GLIS3: variants seen among roughly 807,000 people sequenced by gnomAD.
The protein encoded by GLIS3 is GLIS family zinc finger 3, also known as zinc finger protein GLIS3.
GLIS3 carries 53 observed loss-of-function variants against 78.6 expected under a neutral mutation model. The ratio of observed to expected loss-of-function variants is 0.67; its 90% CI spans 0.54 to 0.85. GLIS3 has a LOEUF of 0.85. Among genes scored for constraint, GLIS3 ranks in the 40% least tolerant of loss-of-function variants. The pLI is 0.00. For missense variants in GLIS3, 1,703 were observed against 1,231.1 expected, an observed-to-expected ratio of 1.38 and a Z score of -5.74; for synonymous variants, 684 against 509.9, an observed-to-expected ratio of 1.34 and a Z score of -4.60.
At chr9:4,407,428 G>A in the GLIS3 span, among the ~76,000 whole-genome samples, 26 of 152,308 alleles carry the variant, frequency 1.7e-4, 1 homozygote, top group East Asian at 1.5e-3. Flanking sequence ...GGTGGATCAC[G>A]AGGTCAGGAG....
At chr9:3,982,905 T>C (rs1252735018) in intron 4 of GLIS3, among the ~76,000 whole-genome samples, 1 of 152,162 alleles carries the variant, frequency 6.6e-6, no homozygotes, top group Non-Finnish European at 1.5e-5. Context: ...TAAGCACAAA[T>C]GAAGCCATAA....
At chr9:4,024,612 C>G (rs769548324) in intron 4 of GLIS3, among the ~76,000 whole-genome samples, 15 of 152,168 alleles carry the variant, frequency 9.9e-5, no homozygotes, top group Non-Finnish European at 1.9e-4. Flanking sequence ...GATAGGTTGC[C>G]TCGCATAACA....
intron 2 of GLIS3, among the ~76,000 whole-genome samples, chr9:4,158,538 TG>T (rs1401967891): frequency 6.6e-6 from 1 of 152,240 alleles, no homozygotes; most frequent in Non-Finnish European, 1.5e-5. Context: ...TCTTTTAAGA[TG>T]TCCCCGATAT....
At chr9:4,228,546 C>G (rs1250556641) in intron 2 of GLIS3, among the ~76,000 whole-genome samples, 2 of 152,196 alleles carry the variant, frequency 1.3e-5, no homozygotes, top group Non-Finnish European at 2.9e-5. Context: ...AGTGTCTGGT[C>G]TCATTAGATG....
At chr9:3,999,311 G>C (rs1352186900) in intron 4 of GLIS3, among the ~76,000 whole-genome samples, 1 of 152,144 alleles carries the variant, frequency 6.6e-6, no homozygotes, top group African/African-American at 2.4e-5. Context: ...GAAATTGTTA[G>C]CTGGAAAGAT....
intron 4 of GLIS3, among the ~76,000 whole-genome samples, chr9:4,025,609 G>GA (rs1823268049): frequency 6.6e-6 from 1 of 152,002 alleles, no homozygotes; most frequent in Non-Finnish European, 1.5e-5. Context: ...GAGGGTCTGC[G>GA]TCTCCTGACC....
intron 2 of GLIS3, among the ~76,000 whole-genome samples, chr9:4,245,428 T>G (rs1394254415): frequency 6.6e-6 from 1 of 152,224 alleles, no homozygotes; most frequent in Admixed American, 6.5e-5. Context: ...AGGTTCTACA[T>G]GTTATAAAAC....
intron 2 of GLIS3, among the ~76,000 whole-genome samples, chr9:4,190,324 G>C (rs1399584496): frequency 6.6e-6 from 1 of 152,132 alleles, no homozygotes; most frequent in African/African-American, 2.4e-5. Flanking sequence ...AACCAATATA[G>C]AGAAGTGCTT....
intron 2 of GLIS3, among the ~76,000 whole-genome samples, chr9:4,221,712 C>G (rs1222988364): frequency 6.6e-6 from 1 of 152,086 alleles, no homozygotes; most frequent in Non-Finnish European, 1.5e-5. Context: ...GCAAAGATAA[C>G]ATATGGAAAC....
chr9:4,189,683 C>T (rs913987299), intron 2 of GLIS3, among the ~76,000 whole-genome samples: 1 of 152,120 alleles, frequency 6.6e-6, no homozygotes. Context: ...TGCTCCTGTA[C>T]TGGGTGCATA....
chr9:4,411,855 A>C, the GLIS3 span, among the ~76,000 whole-genome samples: 20 of 152,368 alleles, frequency 1.3e-4, no homozygotes, highest in African/African-American at 4.6e-4. Flanking sequence ...AGTCAGAGAA[A>C]GCTAATAAAA....
At chr9:4,264,747 C>T (rs370472546) in intron 2 of GLIS3, among the ~76,000 whole-genome samples, 1 of 152,252 alleles carries the variant, frequency 6.6e-6, no homozygotes, top group Admixed American at 6.5e-5. Flanking sequence ...CACTTATTAA[C>T]CCCCAAGAAA....
intron 4 of GLIS3, among the ~76,000 whole-genome samples, chr9:3,955,223 C>T (rs1011547806): frequency 6.6e-6 from 1 of 152,188 alleles, no homozygotes; most frequent in African/African-American, 2.4e-5. Flanking sequence ...GCCTTCCTAT[C>T]TTTAGTCATT....
chr9:3,952,596 C>T (rs904237634), intron 4 of GLIS3, among the ~76,000 whole-genome samples: 3 of 152,122 alleles, frequency 2.0e-5, no homozygotes, highest in South Asian at 2.1e-4. Flanking sequence ...GTGCTCCATG[C>T]GTGAAAATTA....
intron 2 of GLIS3, among the ~76,000 whole-genome samples, chr9:4,311,910 C>T (rs1587379263): frequency 6.6e-6 from 1 of 152,086 alleles, no homozygotes; most frequent in Admixed American, 6.5e-5. Context: ...ATCTATTCTT[C>T]TTGGAAGTGG....
chr9:4,309,194 C>T (rs952120217), intron 3 of GLIS3, among the ~76,000 whole-genome samples: 50 of 152,320 alleles, frequency 3.3e-4, no homozygotes, highest in Non-Finnish European at 5.9e-5. Flanking sequence ...TTTACAACTG[C>T]ACTCTCCTGT....
chr9:4,092,175 A>G (rs1829571893), intron 4 of GLIS3, among the ~76,000 whole-genome samples: 1 of 146,476 alleles, frequency 6.8e-6, no homozygotes, highest in Non-Finnish European at 1.5e-5. Context: ...TTTTTGAGAC[A>G]GAGTCTCGCT....
chr9:3,888,649 C>G (rs1401008361), intron 7 of GLIS3, among the ~76,000 whole-genome samples: 1 of 152,192 alleles, frequency 6.6e-6, no homozygotes, highest in African/African-American at 2.4e-5. Flanking sequence ...GACAATGAAG[C>G]TGGTTTTGTT....
upstream of GLIS3, among the ~76,000 whole-genome samples, chr9:4,350,135 C>T (rs544806080): frequency 4.6e-5 from 7 of 152,286 alleles, no homozygotes; most frequent in South Asian, 2.1e-4. Flanking sequence ...GTTCCATCAC[C>T]GCAGAGGTCA....
Sources: gnomAD v4.1 joint callset for allele counts (sites outside exome capture counted in the v4.1 genomes callset) on GRCh38, gnomAD v4.1.1 for gene constraint, MANE v1.5 for transcripts, NCBI Gene and HGNC (gene_info 2026-07-23, HGNC 2026-07-21) for gene names.